The following SLC4A4 variants were observed in gnomAD, a reference collection of about 807,000 sequenced individuals.
SLC4A4 encodes the protein solute carrier family 4 member 4.
SLC4A4 carries 27 observed loss-of-function variants against 111.5 expected under a neutral mutation model. That is an observed-to-expected ratio of 0.24 (90% CI 0.18 to 0.33). SLC4A4 has a LOEUF of 0.33. SLC4A4 is among the 10% of genes least tolerant of loss of function. SLC4A4 has a pLI of 1.00. For missense variants in SLC4A4, 909 were observed against 1,315.5 expected (o/e 0.69, Z 4.78); for synonymous variants, 443 against 463.4 (o/e 0.96, Z 0.57).
intron 3 of SLC4A4, among the ~76,000 whole-genome samples, chr4:71,260,387 G>T (rs557844029): frequency 6.6e-6 from 1 of 152,084 alleles, no homozygotes; most frequent in South Asian, 2.1e-4. Context: ...ATAAAATAAG[G>T]TTTCTTTAAT....
chr4:71,253,877 T>C (rs185231270), intron 2 of SLC4A4, among the ~76,000 whole-genome samples: 97 of 152,336 alleles, frequency 6.4e-4, no homozygotes, highest in Non-Finnish European at 1.3e-3. Context: ...GCATCTGATG[T>C]CTTCTTTTGA....
At chr4:71,477,251 G>A (rs1728454526) in intron 14 of SLC4A4, among the ~76,000 whole-genome samples, 1 of 151,680 alleles carries the variant, frequency 6.6e-6, no homozygotes, top group Non-Finnish European at 1.5e-5. Context: ...AAATGAGATA[G>A]TATATGCAAA....
At chr4:71,562,425 G>C (rs962669646) in intron 23 of SLC4A4, among the ~76,000 whole-genome samples, 1 of 151,660 alleles carries the variant, frequency 6.6e-6, no homozygotes, top group Non-Finnish European at 1.5e-5. Context: ...GAGGGTTACA[G>C]CTATAATATA....
intron 2 of SLC4A4, among the ~76,000 whole-genome samples, chr4:71,240,915 C>G (rs751602970): frequency 1.8e-4 from 28 of 151,522 alleles, no homozygotes; most frequent in Non-Finnish European, 4.0e-4. Context: ...GGCAGGAATT[C>G]AAGAACATCC....
chr4:71,545,878 C>G (rs1361368044), intron 18 of SLC4A4, among the ~76,000 whole-genome samples: 3 of 151,980 alleles, frequency 2.0e-5, no homozygotes, highest in African/African-American at 7.2e-5. Flanking sequence ...TTATGTTTAT[C>G]TTAACAAAAA....
chr4:71,244,169 A>T (rs1265486603), intron 2 of SLC4A4, among the ~76,000 whole-genome samples: 1 of 152,220 alleles, frequency 6.6e-6, no homozygotes, highest in African/African-American at 2.4e-5. Flanking sequence ...CGTGTGTTTG[A>T]CAAATTAAAT....
chr4:71,450,295 C>T (rs1725639669), intron 9 of SLC4A4, 94 bp from the exon 10 acceptor site: 3 of 892,348 alleles, frequency 3.4e-6, no homozygotes, highest in African/African-American at 3.3e-5. Context: ...ATTAATAGCA[C>T]AGTTGTTATG....
intron 1 of SLC4A4, among the ~76,000 whole-genome samples, chr4:71,195,399 T>C (rs1254526685): frequency 6.6e-6 from 1 of 152,136 alleles, no homozygotes. Context: ...ACATATTAGG[T>C]AGTATACCTT....
intron 3 of SLC4A4, among the ~76,000 whole-genome samples, chr4:71,270,929 A>G (rs1722662037): frequency 6.6e-6 from 1 of 152,174 alleles, no homozygotes; most frequent in African/African-American, 2.4e-5. Context: ...ATACTTACTG[A>G]ATTTGGATTG....
At chr4:71,472,025 C>T (rs1424918941) in intron 13 of SLC4A4, among the ~76,000 whole-genome samples, 2 of 151,894 alleles carry the variant, frequency 1.3e-5, no homozygotes, top group Non-Finnish European at 2.9e-5. Flanking sequence ...GTTGGTGGCA[C>T]ACTGTCCACA....
chr4:71,305,904 A>G (rs1001403425), intron 3 of SLC4A4, among the ~76,000 whole-genome samples: 1 of 152,148 alleles, frequency 6.6e-6, no homozygotes, highest in Non-Finnish European at 1.5e-5. Context: ...GGTTTTATGG[A>G]AGAGCTGACA....
intron 2 of SLC4A4, among the ~76,000 whole-genome samples, chr4:71,246,618 A>G (rs533102696): frequency 3.0e-4 from 45 of 152,320 alleles, no homozygotes; most frequent in Non-Finnish European, 1.6e-4. Context: ...TTATGGAACT[A>G]AGGGTGGTGG....
intron 2 of SLC4A4, among the ~76,000 whole-genome samples, chr4:71,109,069 G>A (rs1285390075): frequency 6.6e-6 from 1 of 151,848 alleles, no homozygotes; most frequent in South Asian, 2.1e-4. Context: ...ATTTTTTGTT[G>A]AAATCTGGAT....
intron 8 of SLC4A4, among the ~76,000 whole-genome samples, chr4:71,445,532 A>G (rs181560701): frequency 2.2e-4 from 33 of 152,308 alleles, no homozygotes. Context: ...ATATTTAGAT[A>G]CATGAAGATA....
At chr4:71,236,218 A>T in intron 1 of SLC4A4, 1 of 1,095,984 alleles carries the variant, frequency 9.1e-7, no homozygotes, top group Non-Finnish European at 1.1e-6. Flanking sequence ...AGACACACCA[A>T]ACTTCCTCTC....
chr4:71,164,253 T>G (rs1744680426), intron 2 of SLC4A4, among the ~76,000 whole-genome samples: 1 of 151,998 alleles, frequency 6.6e-6, no homozygotes, highest in African/African-American at 2.4e-5. Flanking sequence ...TGGTGACGCA[T>G]GACTGTAATC....
rs1023899350 is a variant in SLC4A4, at chr4:71,397,776, G to T, written c.807+123G>T. The T allele has an allele frequency of 9.6e-6, 8 of 835,464 alleles. No individual in the cohort carries two copies. The African/African-American group carries it at 1.3e-4, about 14-fold the overall frequency. The allele number at this position is 835,464 out of a possible 1,614,324, so 51.8% of individuals were successfully genotyped here. On this transcript the variant is annotated intron_variant, in intron 7 of 25. Coordinates refer to ENST00000264485, the MANE Select transcript of SLC4A4 (RefSeq NM_001098484.3). ...GACCTTTACGTGCAGACAACAGTTT[G>T]CACTTTCCTGGGCAGAAGGAGAAGC...
At chr4:71,265,936 A>G (rs948852097) in intron 3 of SLC4A4, among the ~76,000 whole-genome samples, 2 of 152,216 alleles carry the variant, frequency 1.3e-5, no homozygotes, top group Non-Finnish European at 2.9e-5. Context: ...CTTTTTAAAC[A>G]TACCCTAGTC....
intron 1 of SLC4A4, among the ~76,000 whole-genome samples, chr4:71,192,870 A>G (rs1745797725): frequency 6.6e-6 from 1 of 152,178 alleles, no homozygotes; most frequent in South Asian, 2.1e-4. Context: ...CTTCCCACCA[A>G]GGTAACCACT....
Sources: gnomAD v4.1 joint callset for allele counts (sites outside exome capture counted in the v4.1 genomes callset) on GRCh38, gnomAD v4.1.1 for gene constraint, MANE v1.5 for transcripts, NCBI Gene and HGNC (gene_info 2026-07-23, HGNC 2026-07-21) for gene names.